Variants in ACO1 observed in about 807,000 individuals in gnomAD.
The protein encoded by ACO1 is aconitase 1, also known as cytoplasmic aconitate hydratase.
ACO1 carries 78 observed loss-of-function variants against 105.1 expected under a neutral mutation model. The observed-to-expected ratio is 0.74, with a 90% CI of 0.62 to 0.90. ACO1 has a LOEUF of 0.90. Ranked by LOEUF, ACO1 falls within the 40% of genes least tolerant of loss-of-function variation. The pLI is 0.00. For synonymous variants in ACO1, 364 were observed against 397.4 expected, an observed-to-expected ratio of 0.92 and a Z score of 1.00; for missense variants, 965 against 1,111.1, an observed-to-expected ratio of 0.87 and a Z score of 1.87.
rs1356120923 is a variant in ACO1, at chr9:32,453,753, GAA to G, written c.*3646_*3647del. On this transcript the variant is annotated 3_prime_UTR_variant, in exon 21 of 21. Coordinates refer to ENST00000309951, the MANE Select transcript of ACO1 (RefSeq NM_002197.3). ...GTAGGAGCAATGCAGAGCCACTTTT[GAA>G]AAACAGTAGCCAAGGTTCTACTGGC... 6.6e-6 allele frequency: 1 copy of G among 152,146 alleles called. No individual in the cohort carries two copies. Among genetic ancestry groups the G allele is most frequent in the Non-Finnish European group, 1.5e-5 (1 of 68,030 alleles). 9.4% of individuals were successfully genotyped at this position (152,146 alleles called of 1,614,324 possible).
In ACO1 at chr9:32,448,894, A is replaced by T; in HGVS notation, c.2371-2A>T. Reference sequence around the variant, plus strand: ...GTCTAAACTACTGTCTTTATTCATCAGGGAATCAAAGCCGTCCTGGCCGAG... The same window carrying T: ...GTCTAAACTACTGTCTTTATTCATCTGGGAATCAAAGCCGTCCTGGCCGAG... On this transcript the variant is annotated splice_acceptor_variant, in intron 19 of 20. Transcript: ENST00000309951. LOFTEE classifies it high-confidence loss of function. 6.2e-7 allele frequency: 1 copy of T among 1,614,216 alleles called. No individual in the cohort carries two copies. Among genetic ancestry groups the T allele is most frequent in the Non-Finnish European group, 8.5e-7 (1 of 1,180,034 alleles).
chr9:32,409,327 A>G (rs1018040655), intron 4 of ACO1, among the ~76,000 whole-genome samples: 1 of 152,230 alleles, frequency 6.6e-6, no homozygotes, highest in Admixed American at 6.5e-5. Flanking sequence ...AGCTCCCTGA[A>G]TGCAAGAGCT....
chr9:32,440,770 C>T (rs1822462683), intron 19 of ACO1, among the ~76,000 whole-genome samples, 183 bp downstream of exon 19: 1 of 152,152 alleles, frequency 6.6e-6, no homozygotes, highest in Non-Finnish European at 1.5e-5. Flanking sequence ...TGGTGAAGGG[C>T]AATGCAGAGT....
At chr9:32,396,417 T>C (rs1364423189) in intron 1 of ACO1, among the ~76,000 whole-genome samples, 1 of 151,838 alleles carries the variant, frequency 6.6e-6, no homozygotes, top group East Asian at 1.9e-4. Context: ...ACATCAAAAT[T>C]GGCTAAAGAG....
chr9:32,425,716 CA>C (rs1400723099), intron 10 of ACO1, 121 bp from the exon 11 acceptor site: 4 of 599,448 alleles, frequency 6.7e-6, no homozygotes, highest in African/African-American at 1.9e-5. Context: ...TTATAGTTAC[CA>C]AAGTATTCCT....
At position 32,434,550 on chromosome 9, in the gene ACO1, C is replaced by A; in HGVS notation, c.1957-9C>A. On this transcript the variant is annotated splice_polypyrimidine_tract_variant and intron_variant, in intron 16 of 20. Coordinates refer to ENST00000309951, the MANE Select transcript of ACO1 (RefSeq NM_002197.3). Reference sequence around the variant, plus strand: ...TGGGCCAATGCTGACTTTTTGTATTCTTTGCTAGACTTTGGATCTTCAGCC... The same window carrying A: ...TGGGCCAATGCTGACTTTTTGTATTATTTGCTAGACTTTGGATCTTCAGCC... The A allele has an allele frequency of 6.2e-7, 1 of 1,613,716 alleles. No homozygotes were observed. The highest frequency in any genetic ancestry group is 8.5e-7 in the Non-Finnish European group (1 of 1,179,778).
Position 32,454,012 on chromosome 9 carries a change from T to G in ACO1, c.*3901T>G, listed in dbSNP as rs1007496037. On this transcript the variant is annotated 3_prime_UTR_variant, in exon 21 of 21. Transcript: ENST00000309951. Reference sequence around the variant, plus strand: ...GCATAATGAAACAGAGTTCCAGACATGTACCTGCCAAATTTGGTTCTGGTT... The same window carrying G: ...GCATAATGAAACAGAGTTCCAGACAGGTACCTGCCAAATTTGGTTCTGGTT... The G allele has an allele frequency of 2.0e-5, 3 of 152,246 alleles. No individual in the cohort carries two copies. Among genetic ancestry groups the G allele is most frequent in the African/African-American group, 7.2e-5 (3 of 41,458 alleles). 9.4% of individuals were successfully genotyped at this position (152,246 alleles called of 1,614,324 possible).
intron 2 of ACO1, 111 bp downstream of exon 2, chr9:32,405,714 A>C (rs1247423171): frequency 1.3e-6 from 1 of 745,626 alleles, no homozygotes; most frequent in African/African-American, 1.8e-5. Context: ...GAATGGGTGA[A>C]TGTTCTTGGA....
intron 19 of ACO1, among the ~76,000 whole-genome samples, chr9:32,446,975 G>A (rs1822624106): frequency 6.6e-6 from 1 of 152,148 alleles, no homozygotes; most frequent in Non-Finnish European, 1.5e-5. Flanking sequence ...GCTTCCCTTT[G>A]TGGGTAACCC....
At chr9:32,446,254 G>C (rs1822604475) in intron 19 of ACO1, among the ~76,000 whole-genome samples, 1 of 152,058 alleles carries the variant, frequency 6.6e-6, no homozygotes, top group Non-Finnish European at 1.5e-5. Flanking sequence ...TCTCTTTGTA[G>C]GTCTCTAAGA....
intron 4 of ACO1, among the ~76,000 whole-genome samples, chr9:32,409,999 A>G: frequency 6.6e-6 from 1 of 152,206 alleles, no homozygotes; most frequent in East Asian, 1.9e-4. Flanking sequence ...TGAAGAGATG[A>G]CTAAGTTTTG....
At chr9:32,435,612 G>C (rs1308526360) in intron 17 of ACO1, among the ~76,000 whole-genome samples, 1 of 152,130 alleles carries the variant, frequency 6.6e-6, no homozygotes, top group Non-Finnish European at 1.5e-5. Flanking sequence ...TATGTTTCCT[G>C]ACACTGCAAA....
rs1822840494 is a variant in ACO1 at position 32,454,662 on chromosome 9, A to C, written c.*4551A>C. The C allele has an allele frequency of 6.6e-6, 1 of 152,186 alleles. No individual in the cohort carries two copies. The highest frequency in any genetic ancestry group is 2.4e-5 in the African/African-American group (1 of 41,456). The allele number at this position is 152,186 out of a possible 1,614,324, so 9.4% of individuals were successfully genotyped here. On this transcript the variant is annotated 3_prime_UTR_variant, in exon 21 of 21. Coordinates refer to ENST00000309951, the MANE Select transcript of ACO1 (RefSeq NM_002197.3). ...GTCAGTCAAAAGATCCACTTCCTAA[A>C]AGCCTACCTGCTCATTTCTTTCATT...
chr9:32,416,718 G>T (rs563364967), intron 4 of ACO1, among the ~76,000 whole-genome samples: 41 of 152,288 alleles, frequency 2.7e-4, no homozygotes, highest in African/African-American at 9.6e-4. Context: ...TCTGGGGGAG[G>T]GGAGGATCAG....
intron 6 of ACO1, 25 bp downstream of exon 6, chr9:32,418,536 T>C (rs1821902121): frequency 6.3e-7 from 1 of 1,591,420 alleles, no homozygotes; most frequent in Non-Finnish European, 8.6e-7. Flanking sequence ...ATATATGCTG[T>C]TTTGGGGCAT....
intron 13 of ACO1, among the ~76,000 whole-genome samples, chr9:32,430,092 A>G (rs908715912): frequency 6.6e-6 from 1 of 152,252 alleles, no homozygotes; most frequent in African/African-American, 2.4e-5. Context: ...ATAATTGTGC[A>G]TTGTGACTTC....
rs1041344644 is a variant in ACO1 at position 32,451,500 on chromosome 9, G to A, written c.*1389G>A. The A allele has an allele frequency of 2.6e-5, 4 of 152,220 alleles. No individual in the cohort carries two copies. Among genetic ancestry groups the A allele is most frequent in the African/African-American group, 7.2e-5 (3 of 41,430 alleles). The allele number at this position is 152,220 out of a possible 1,614,324, so 9.4% of individuals were successfully genotyped here. ...CAAGTCCAAATGCCTAAGAACCTGG[G>A]GAGGGGCATGGGGAATGCTGGTATA... On this transcript the variant is annotated 3_prime_UTR_variant, in exon 21 of 21. Coordinates refer to ENST00000309951, the MANE Select transcript of ACO1 (RefSeq NM_002197.3).
intron 1 of ACO1, among the ~76,000 whole-genome samples, chr9:32,403,774 A>G (rs1397307808): frequency 6.6e-6 from 1 of 152,180 alleles, no homozygotes. Flanking sequence ...CATCTTGCTC[A>G]GTCCCGTGAG....
intron 1 of ACO1, among the ~76,000 whole-genome samples, chr9:32,392,745 AGGGACCCCGAACGGAGGGACC>A (rs2118339688): frequency 6.6e-6 from 1 of 152,332 alleles, no homozygotes; most frequent in African/African-American, 2.4e-5. Flanking sequence ...GCGGGAGGTC[AGGGACCCCGAACGGAGGGACC>A]GGCTGAAGCC....
Sources: allele counts gnomAD v4.1 joint callset (sites outside exome capture counted in the v4.1 genomes callset), GRCh38; gene constraint gnomAD v4.1.1; transcripts MANE v1.5; gene names NCBI Gene and HGNC (gene_info 2026-07-23, HGNC 2026-07-21).